NPHP4: variants seen among roughly 807,000 people sequenced by gnomAD.
NPHP4 encodes the protein nephrocystin-4.
A neutral mutation model predicts 155.8 loss-of-function variants in NPHP4; 151 were observed. The observed-to-expected ratio is 0.97, with a 90% CI of 0.85 to 1.11. The LOEUF is 1.11. Among genes scored for constraint, NPHP4 ranks in the 50% least tolerant of loss-of-function variants. NPHP4 has a pLI of 0.00. For missense variants in NPHP4, 1,956 were observed against 1,925.7 expected (o/e 1.02, Z -0.29); for synonymous variants, 845 against 816.8 (o/e 1.03, Z -0.59).
At position 5,866,196 on chromosome 1, in the gene NPHP4, C is replaced by G. The variant is rs1641200984; in HGVS notation, c.3644+177G>C. 4.6e-6 allele frequency: 3 copies of G among 655,868 alleles called. No homozygotes were observed. The African/African-American group carries it at 5.4e-5, about 12-fold the overall frequency. 40.6% of individuals were successfully genotyped at this position (655,868 alleles called of 1,614,324 possible). ...GCACGTGCCCCTCCAAGGTGCCTTC[C>G]CTAGACCCCTGCGGGCCCTGAACTC... On this transcript the variant is annotated intron_variant, in intron 26 of 29. Transcript: ENST00000378156.
At chr1:5,893,310 G>A (rs1162981351) in intron 16 of NPHP4, among the ~76,000 whole-genome samples, 1 of 152,126 alleles carries the variant, frequency 6.6e-6, no homozygotes, top group African/African-American at 2.4e-5. Flanking sequence ...GACCGGTAGT[G>A]GCCCCGAATG....
At chr1:5,953,466 G>A (rs1557823560) in intron 6 of NPHP4, among the ~76,000 whole-genome samples, 1 of 152,188 alleles carries the variant, frequency 6.6e-6, no homozygotes, top group East Asian at 1.9e-4. Context: ...AAAGTGACAC[G>A]TGCGGCCCTG....
Position 5,927,651 on chromosome 1 carries a change from G to A in NPHP4, c.1439C>T (p.Ser480Leu), listed in dbSNP as rs762305544. ...GTCAGCTCTCTGGAAACACTTACTC[G>A]AAGGGGACGTGGGTGGTTTCCTGGA... ...RPSRKPPTSPSSPPAPVPRVL... is the reference protein window; with the variant it reads ...RPSRKPPTSPLSPPAPVPRVL... The change falls in exon 11 of 30, where the codon TCG becomes TTG. Residue 480 changes from serine (S) to leucine (L), a missense_variant and splice_region_variant. Coordinates refer to ENST00000378156, the MANE Select transcript of NPHP4 (RefSeq NM_015102.5). The A allele has an allele frequency of 3.2e-5, 51 of 1,604,310 alleles. No individual in the cohort carries two copies. The Admixed American group carries it at 3.5e-4, about 11-fold the overall frequency.
In NPHP4 at chr1:5,867,146, T is replaced by C; in HGVS notation, c.3473-31A>G. ...GCAGGGGAAATGTCAAAAAGAGTCT[T>C]CTCCACAGCCCCAGCCTGTGTGGAG... On this transcript the variant is annotated intron_variant, in intron 24 of 29. Transcript: ENST00000378156. The surrounding 1 kb of genome is among the most constrained non-coding windows in gnomAD (Gnocchi z 4.1). 6.5e-7 allele frequency: 1 copy of C among 1,540,196 alleles called. No homozygotes were observed. Among genetic ancestry groups the C allele is most frequent in the African/African-American group, 1.4e-5 (1 of 73,400 alleles).
intron 18 of NPHP4, among the ~76,000 whole-genome samples, chr1:5,883,961 G>A (rs931495693): frequency 6.6e-6 from 1 of 152,178 alleles, no homozygotes; most frequent in Non-Finnish European, 1.5e-5. Flanking sequence ...TGACCAGCAG[G>A]ACACGGAACC....
intron 6 of NPHP4, among the ~76,000 whole-genome samples, chr1:5,953,846 C>T (rs1301118135): frequency 6.6e-6 from 1 of 152,222 alleles, no homozygotes; most frequent in Non-Finnish European, 1.5e-5. Flanking sequence ...GTGGACTCTG[C>T]CCCTTCTTTC....
chr1:5,873,650 TC>T, intron 22 of NPHP4: 1 of 458,770 alleles, frequency 2.2e-6, no homozygotes, highest in Non-Finnish European at 3.9e-6. Context: ...TAGGGACATC[TC>T]AAGTCCACCT....
In NPHP4 at chr1:5,961,897, C is replaced by T; in HGVS notation, c.570G>A (p.Lys190=). Residue 190 remains lysine (K), a synonymous_variant, in exon 6 of 30, where the codon AAG becomes AAA. Coordinates refer to ENST00000378156, the MANE Select transcript of NPHP4 (RefSeq NM_015102.5). ...ACGCAGGCTCCAGGGCCGGGTGTGG[C>T]TTCAGCGTGTACTGCAGGCTGCAGT... ...IENCSLQYTL[K]PHPALEPAFH... 3 of 1,613,844 alleles carry T rather than the reference C, an allele frequency of 1.9e-6. No individual in the cohort carries two copies. The highest frequency in any genetic ancestry group is 2.5e-6 in the Non-Finnish European group (3 of 1,179,740).
At chr1:5,926,751 C>T (rs904251470) in intron 11 of NPHP4, among the ~76,000 whole-genome samples, 2 of 152,204 alleles carry the variant, frequency 1.3e-5, no homozygotes, top group African/African-American at 2.4e-5. Context: ...GGGCCATAGC[C>T]GAGCACAGAA....
chr1:5,934,809 C>G (rs368755753), intron 9 of NPHP4, among the ~76,000 whole-genome samples: 1 of 152,196 alleles, frequency 6.6e-6, no homozygotes, highest in African/African-American at 2.4e-5. Flanking sequence ...ACAGCATCCA[C>G]CAGGAACAGA....
intron 13 of NPHP4, 126 bp downstream of exon 13, chr1:5,906,989 C>CA: frequency 2.0e-6 from 1 of 507,122 alleles, no homozygotes; most frequent in South Asian, 3.8e-5. Flanking sequence ...CTCCCACCCA[C>CA]ATCCCAGGTA....
rs760012027 is a variant in NPHP4 at position 5,905,609 on chromosome 1, T to TCCCA, written c.1763+19_1763+22dup. On this transcript the variant is annotated intron_variant, in intron 14 of 29. Coordinates refer to ENST00000378156, the MANE Select transcript of NPHP4 (RefSeq NM_015102.5). The surrounding 1 kb of genome is among the most constrained non-coding windows in gnomAD (Gnocchi z 4.0). Reference sequence around the variant, plus strand: ...ACGGCACAGCACGTGACTGGTTCCATCCCACCCAGACCCACACCTCACCTC... The same window carrying TCCCA: ...ACGGCACAGCACGTGACTGGTTCCATCCCACCCACCCAGACCCACACCTCACCTC... The TCCCA allele has an allele frequency of 2.5e-6, 4 of 1,612,834 alleles. No homozygotes were observed. In the South Asian group the frequency reaches 4.4e-5, roughly 18 times the overall value.
Position 5,879,804 on chromosome 1 carries a change from CACACACACGCAA to C in NPHP4, c.2611+298_2611+309del, listed in dbSNP as rs1557634414. ...ACACACACACACACACGCAAACACACACACACACGCAAACACACACACACACGCAAACACACA... is the reference window on the plus strand; with the variant it reads ...ACACACACACACACACGCAAACACACACACACACACACACGCAAACACACA... On this transcript the variant is annotated intron_variant, in intron 19 of 29. Transcript: ENST00000378156. 1.7e-3 allele frequency among the ~76,000 whole-genome samples: 221 copies of C among 127,354 alleles called. 1 individual carries two copies. The highest frequency in any genetic ancestry group is 6.3e-3 in the African/African-American group (209 of 33,424). 83.5% of individuals were successfully genotyped at this position (127,354 alleles called of 152,430 possible). A position where few individuals can be genotyped will look rare whatever the true frequency, so the allele number is the denominator to read the frequency against.
Position 5,867,675 on chromosome 1 carries a change from A to C in NPHP4, c.3472+65T>G. On this transcript the variant is annotated intron_variant, in intron 24 of 29. Coordinates refer to ENST00000378156, the MANE Select transcript of NPHP4 (RefSeq NM_015102.5). This position sits in a 1 kb window ranked among gnomAD's most constrained non-coding sequence, Gnocchi z 4.1. ...GCCATGAGGCCATCTGTCACCCTCAAGAGGTATCTACTTCCAACAGGTGAG... is the reference window on the plus strand; with the variant it reads ...GCCATGAGGCCATCTGTCACCCTCACGAGGTATCTACTTCCAACAGGTGAG... 3.9e-6 allele frequency: 6 copies of C among 1,544,910 alleles called. No individual in the cohort carries two copies. Among genetic ancestry groups the C allele is most frequent in the Non-Finnish European group, 5.3e-6 (6 of 1,133,244 alleles).
Position 5,874,664 on chromosome 1 carries a change from G to T in NPHP4, c.3045-7C>A. ...CTGACTGTCCACGATGACGCTGGGGGAGGCAGTGTCCAGGCGTCAGGGCAG... is the reference window on the plus strand; with the variant it reads ...CTGACTGTCCACGATGACGCTGGGGTAGGCAGTGTCCAGGCGTCAGGGCAG... On this transcript the variant is annotated splice_region_variant and splice_polypyrimidine_tract_variant and intron_variant, in intron 21 of 29. Coordinates refer to ENST00000378156, the MANE Select transcript of NPHP4 (RefSeq NM_015102.5). The T allele has an allele frequency of 6.2e-7, 1 of 1,610,630 alleles. No individual in the cohort carries two copies. Among genetic ancestry groups the T allele is most frequent in the South Asian group, 1.1e-5 (1 of 90,486 alleles).
chr1:5,928,492 G>A (rs1171759101), intron 10 of NPHP4, among the ~76,000 whole-genome samples: 1 of 152,200 alleles, frequency 6.6e-6, no homozygotes, highest in African/African-American at 2.4e-5. Context: ...TGGTTTGGGT[G>A]ATTATAAACA....
chr1:5,920,569 C>G (rs1339039156), intron 11 of NPHP4, among the ~76,000 whole-genome samples: 1 of 152,132 alleles, frequency 6.6e-6, no homozygotes, highest in Non-Finnish European at 1.5e-5. Context: ...GCCCGACAAT[C>G]GCTGGGCATC....
At chr1:5,939,535 G>A (rs1300754108) in intron 9 of NPHP4, among the ~76,000 whole-genome samples, 1 of 152,230 alleles carries the variant, frequency 6.6e-6, no homozygotes, top group Non-Finnish European at 1.5e-5. Flanking sequence ...TGGCACGTGG[G>A]CCCTGCAGGG....
chr1:5,982,750 T>C (rs1008381763), intron 2 of NPHP4, among the ~76,000 whole-genome samples: 1 of 152,254 alleles, frequency 6.6e-6, no homozygotes, highest in South Asian at 2.1e-4. Flanking sequence ...TTTTCTTCCA[T>C]TACTCAGTTC....
Sources: allele counts gnomAD v4.1 joint callset (sites outside exome capture counted in the v4.1 genomes callset), GRCh38; gene constraint gnomAD v4.1.1; non-coding constraint Gnocchi (gnomAD v3.1); transcripts MANE v1.5; gene names NCBI Gene and HGNC (gene_info 2026-07-23, HGNC 2026-07-21).